ETV6: variants seen among roughly 807,000 people sequenced by gnomAD.
ETV6 encodes the protein ETS variant transcription factor 6.
Under a neutral mutation model 51.1 loss-of-function variants are expected in ETV6, and 16 were observed. That is an observed-to-expected ratio of 0.31 (90% confidence interval 0.21 to 0.48). The LOEUF (loss-of-function observed/expected upper bound fraction) is 0.48. Ranked by LOEUF, ETV6 falls within the 20% of genes least tolerant of loss-of-function variation. The probability of loss-of-function intolerance (pLI) is 0.99; values close to 1 mark genes in which losing one functional copy is unlikely to be tolerated. For synonymous variants in ETV6, 240 were observed against 224.1 expected, an observed-to-expected ratio of 1.07 and a Z score of -0.64; for missense variants, 458 against 594.8, an observed-to-expected ratio of 0.77 and a Z score of 2.39.
chr12:11,795,330 G>A (rs575004139), intron 2 of ETV6, among the ~76,000 whole-genome samples: 17 of 152,372 alleles, frequency 1.1e-4, no homozygotes, highest in African/African-American at 3.8e-4. Flanking sequence ...GAGTGCCCCA[G>A]CACCGGGCCT....
chr12:11,832,206 G>A (rs563541655), intron 2 of ETV6, among the ~76,000 whole-genome samples: 13 of 152,310 alleles, frequency 8.5e-5, no homozygotes, highest in Non-Finnish European at 1.3e-4. Flanking sequence ...GTTGGATGGG[G>A]TAACATCAGC....
intron 2 of ETV6, among the ~76,000 whole-genome samples, chr12:11,767,608 C>G (rs915467762): frequency 6.6e-6 from 1 of 152,208 alleles, no homozygotes; most frequent in African/African-American, 2.4e-5. Context: ...ACTGTTTAAC[C>G]TTGATGAGCC....
At chr12:11,650,558 CT>C (rs1287045368) in intron 1 of ETV6, among the ~76,000 whole-genome samples, 1 of 133,556 alleles carries the variant, frequency 7.5e-6, no homozygotes, top group Non-Finnish European at 1.6e-5. Flanking sequence ...TGAAATATAA[CT>C]TTTGTTCCCG....
intron 1 of ETV6, among the ~76,000 whole-genome samples, chr12:11,708,838 A>G (rs945800009): frequency 3.3e-5 from 5 of 152,100 alleles, no homozygotes; most frequent in African/African-American, 1.2e-4. Flanking sequence ...TTACTCAGAC[A>G]CTCACTCAGA....
intron 2 of ETV6, among the ~76,000 whole-genome samples, chr12:11,759,789 T>C (rs1172272779): frequency 3.9e-5 from 6 of 152,120 alleles, no homozygotes; most frequent in Non-Finnish European, 7.4e-5. Flanking sequence ...TTGAATGTGC[T>C]TCTCTAAGTT....
Position 11,853,565 on chromosome 12 carries a change from C to T in ETV6, c.463+4C>T, listed in dbSNP as rs1396942221. On this transcript the variant is annotated splice_donor_region_variant and intron_variant, in intron 4 of 7. Transcript: ENST00000396373. ...CTGCATCAGAACCATGAAGAAGGTA[C>T]TGGAAGAGGTTTCTCTTTTCTTGCC... is the stretch of plus-strand genomic sequence containing the variant. 2.5e-6 allele frequency: 4 copies of T among 1,614,036 alleles called. No individual in the cohort carries two copies. Among genetic ancestry groups the T allele is most frequent in the Non-Finnish European group, 8.5e-7 (1 of 1,179,962 alleles).
chr12:11,702,771 G>A (rs1365991022), intron 1 of ETV6, among the ~76,000 whole-genome samples: 1 of 152,172 alleles, frequency 6.6e-6, no homozygotes, highest in African/African-American at 2.4e-5. Context: ...ACTGTAAAAT[G>A]TGAGCGATTA....
At chr12:11,749,288 T>TACACACACACACACACACAC (rs761925697) in intron 1 of ETV6, among the ~76,000 whole-genome samples, 8 of 122,838 alleles carry the variant, frequency 6.5e-5, no homozygotes, top group East Asian at 2.4e-4. Flanking sequence ...ATCCCCCCCA[T>TACACACACACACACACACAC]ACACACACAC....
At chr12:11,663,877 G>T (rs2541127) in intron 1 of ETV6, among the ~76,000 whole-genome samples, 137,261 of 152,198 alleles carry the variant, frequency 0.9, 61,935 homozygotes, top group Admixed American at 0.95. Flanking sequence ...CTGGGCAATA[G>T]TTTTCTTTAA....
At position 11,712,326 on chromosome 12, in the gene ETV6, G is replaced by T. The variant is rs557145465; in HGVS notation, c.34-40124G>T. 3.5e-4 allele frequency among the ~76,000 whole-genome samples: 53 copies of T among 152,242 alleles called. No homozygotes were observed. The South Asian group carries it at 0.011, about 31-fold the overall frequency. ...GTCAGATTTTTAGTATTTTAATCTG[G>T]TCTGAGACTTAAGATGAAATGACAG... On this transcript the variant is annotated intron_variant, in intron 1 of 7. Transcript: ENST00000396373.
At chr12:11,678,621 A>C (rs752547245) in intron 1 of ETV6, among the ~76,000 whole-genome samples, 1 of 152,206 alleles carries the variant, frequency 6.6e-6, no homozygotes, top group African/African-American at 2.4e-5. Context: ...CTCCAGAGAA[A>C]CAGAACCACA....
At chr12:11,689,064 A>G (rs1342528193) in intron 1 of ETV6, among the ~76,000 whole-genome samples, 3 of 127,620 alleles carry the variant, frequency 2.4e-5, no homozygotes, top group Non-Finnish European at 4.7e-5. Flanking sequence ...TGATTAGGAA[A>G]TGTTTTGGCA....
At chr12:11,886,252 G>T (rs978127797) in intron 7 of ETV6, among the ~76,000 whole-genome samples, 1 of 152,160 alleles carries the variant, frequency 6.6e-6, no homozygotes, top group Non-Finnish European at 1.5e-5. Context: ...AACAGAATCT[G>T]ACTCACCTTT....
In ETV6 at chr12:11,792,077, C is replaced by T. The variant is rs118002772; in HGVS notation, c.163+39498C>T. On this transcript the variant is annotated intron_variant, in intron 2 of 7. Coordinates refer to ENST00000396373, the MANE Select transcript of ETV6 (RefSeq NM_001987.5). ...CGGCTAAAAGCAAAGCCTGTATCCA[C>T]AGCAAATAGATAAATCAATATACAC... Among the ~76,000 whole-genome samples, 26 of 152,352 alleles carry T rather than the reference C, an allele frequency of 1.7e-4. 1 individual carries two copies. In the East Asian group the frequency reaches 4.8e-3, roughly 28 times the overall value.
At chr12:11,764,212 G>A (rs1235188435) in intron 2 of ETV6, among the ~76,000 whole-genome samples, 2 of 152,132 alleles carry the variant, frequency 1.3e-5, no homozygotes, top group African/African-American at 2.4e-5. Flanking sequence ...TGGAAGGACC[G>A]TGGCCAGCAC....
intron 1 of ETV6, among the ~76,000 whole-genome samples, chr12:11,662,424 G>A (rs1276354902): frequency 6.6e-6 from 1 of 152,190 alleles, no homozygotes; most frequent in East Asian, 1.9e-4. Flanking sequence ...TCTCTGTCTT[G>A]AAAAACTTGG....
chr12:11,737,798 A>G (rs1210432671), intron 1 of ETV6, among the ~76,000 whole-genome samples: 1 of 152,230 alleles, frequency 6.6e-6, no homozygotes, highest in Non-Finnish European at 1.5e-5. Context: ...TCAGGGCCTC[A>G]TCAGTCAGTC....
At chr12:11,686,292 G>T (rs190576921) in intron 1 of ETV6, among the ~76,000 whole-genome samples, 1 of 152,330 alleles carries the variant, frequency 6.6e-6, no homozygotes, top group East Asian at 1.9e-4. Flanking sequence ...ATACCAGTAG[G>T]TGGGATAGAG....
intron 1 of ETV6, among the ~76,000 whole-genome samples, chr12:11,665,400 C>T (rs1347858090): frequency 1.3e-5 from 2 of 152,242 alleles, no homozygotes; most frequent in Non-Finnish European, 2.9e-5. Flanking sequence ...CCTGTTGCTG[C>T]TGGGCACAGT....
Sources: gnomAD v4.1 joint callset for allele counts (sites outside exome capture counted in the v4.1 genomes callset) on GRCh38, gnomAD v4.1.1 for gene constraint, MANE v1.5 for transcripts, NCBI Gene and HGNC (gene_info 2026-07-23, HGNC 2026-07-21) for gene names.